MMP26: variants seen among roughly 807,000 people sequenced by gnomAD.
MMP26 encodes the protein matrix metallopeptidase 26.
In MMP26, 33 loss-of-function variants were observed where a neutral mutation model predicts 31.0. The observed-to-expected ratio is 1.06, with a 90% CI of 0.81 to 1.42. MMP26 has a LOEUF of 1.42. Among genes scored for constraint, MMP26 ranks in the 40% most tolerant of loss-of-function variants. The pLI is 0.00. For missense variants in MMP26, 347 were observed against 316.1 expected, an observed-to-expected ratio of 1.10 and a Z score of -0.74; for synonymous variants, 122 against 114.9, an observed-to-expected ratio of 1.06 and a Z score of -0.40.
intron 2 of MMP26, among the ~76,000 whole-genome samples, chr11:4,854,403 A>G (rs141041643): frequency 0.016 from 2,369 of 152,324 alleles, 31 homozygotes; most frequent in Middle Eastern, 0.051. Flanking sequence ...AAATGGCACA[A>G]CAGGACATTG....
chr11:4,907,412 A>T (rs1157305505), intron 2 of MMP26: 1 of 1,613,810 alleles, frequency 6.2e-7, no homozygotes, highest in East Asian at 2.2e-5. Flanking sequence ...TTTCCTTCTG[A>T]TTGGGATCCC....
At chr11:4,917,420 T>G (rs1195012349) in intron 2 of MMP26, among the ~76,000 whole-genome samples, 1 of 152,238 alleles carries the variant, frequency 6.6e-6, no homozygotes, top group Non-Finnish European at 1.5e-5. Flanking sequence ...TAATTCAGTG[T>G]CAAGTGGCAG....
intron 2 of MMP26, among the ~76,000 whole-genome samples, chr11:4,981,121 C>G (rs544080401): frequency 7.9e-5 from 12 of 152,018 alleles, no homozygotes; most frequent in Non-Finnish European, 1.5e-4. Flanking sequence ...AGAGAGTGTA[C>G]TGAAGATGGC....
At chr11:4,794,852 T>C (rs114756938) in intron 2 of MMP26, 40 of 152,348 alleles carry the variant, frequency 2.6e-4, no homozygotes, top group African/African-American at 9.1e-4. Context: ...GATCACCATA[T>C]ATGTTATTTT....
chr11:4,887,924 G>T (rs1249111206), intron 2 of MMP26, among the ~76,000 whole-genome samples: 5 of 152,054 alleles, frequency 3.3e-5, no homozygotes, highest in African/African-American at 1.2e-4. Context: ...GAGGAGATAA[G>T]GAAGATTGTC....
At chr11:4,923,826 G>A in intron 2 of MMP26, 2 of 1,613,984 alleles carry the variant, frequency 1.2e-6, no homozygotes, top group Non-Finnish European at 8.5e-7. Flanking sequence ...ACATGGGAGT[G>A]GCAGTATTGG....
At chr11:4,906,199 G>A (rs375421424) in intron 2 of MMP26, among the ~76,000 whole-genome samples, 22 of 152,226 alleles carry the variant, frequency 1.4e-4, no homozygotes, top group African/African-American at 3.6e-4. Flanking sequence ...ATAAGAATAC[G>A]TAACTCCAAA....
intron 2 of MMP26, among the ~76,000 whole-genome samples, chr11:4,932,093 G>A (rs1851357475): frequency 2.0e-5 from 3 of 152,108 alleles, no homozygotes; most frequent in Admixed American, 2.0e-4. Context: ...TCCCGATAGA[G>A]TTGTTCCATT....
At chr11:4,849,192 G>A (rs1849936937) in intron 2 of MMP26, 3 of 1,609,918 alleles carry the variant, frequency 1.9e-6, no homozygotes, top group African/African-American at 2.7e-5. Context: ...GGCTATCTGA[G>A]TTGGTAATGT....
intron 2 of MMP26, among the ~76,000 whole-genome samples, chr11:4,836,494 G>A (rs112272777): frequency 6.6e-6 from 1 of 150,938 alleles, no homozygotes; most frequent in Admixed American, 6.6e-5. Flanking sequence ...GTGAGAAAAA[G>A]AATGTATTTA....
chr11:4,867,749 C>A (rs181646014), intron 2 of MMP26, among the ~76,000 whole-genome samples: 2 of 152,144 alleles, frequency 1.3e-5, no homozygotes, highest in East Asian at 3.9e-4. Flanking sequence ...ACAACAGATG[C>A]TGGCAAGGTT....
intron 1 of MMP26, among the ~76,000 whole-genome samples, chr11:4,747,360 G>T (rs73393013): frequency 0.048 from 7,240 of 152,180 alleles, 540 homozygotes; most frequent in African/African-American, 0.17. Context: ...AACAGGAAAA[G>T]TGTCCTTAAG....
At chr11:4,956,475 C>T (rs1463597608) in intron 2 of MMP26, among the ~76,000 whole-genome samples, 1 of 152,078 alleles carries the variant, frequency 6.6e-6, no homozygotes, top group African/African-American at 2.4e-5. Context: ...GAGAGAGGTC[C>T]TTAATTGGCA....
chr11:4,926,519 C>T lies in MMP26; in HGVS notation c.-144-61549C>T, dbSNP rs114658029. ...AATATATGTATGACTTTTCAGCCAG[C>T]AGGCATAGTGAAGCTGGTTTGATTC... is the stretch of plus-strand genomic sequence containing the variant. On this transcript the variant is annotated intron_variant, in intron 2 of 7. Transcript: ENST00000380390. Among the ~76,000 whole-genome samples, 486 of 152,270 alleles carry T rather than the reference C, an allele frequency of 3.2e-3. 1 individual carries two copies. Among genetic ancestry groups the T allele is most frequent in the African/African-American group, 0.011 (448 of 41,536 alleles).
chr11:4,898,146 CAT>C (rs973344912), intron 2 of MMP26, among the ~76,000 whole-genome samples: 51 of 151,634 alleles, frequency 3.4e-4, no homozygotes, highest in Admixed American at 2.8e-3. Flanking sequence ...TCTCTGCAAA[CAT>C]ATATATTTTA....
At chr11:4,838,237 G>A (rs1387938006) in intron 2 of MMP26, among the ~76,000 whole-genome samples, 1 of 135,382 alleles carries the variant, frequency 7.4e-6, no homozygotes, top group Non-Finnish European at 1.5e-5. Flanking sequence ...AGAATGGCAT[G>A]AACCCAGGAG....
intron 2 of MMP26, among the ~76,000 whole-genome samples, chr11:4,810,183 A>G (rs904580093): frequency 6.6e-6 from 1 of 152,168 alleles, no homozygotes; most frequent in Non-Finnish European, 1.5e-5. Flanking sequence ...TGCTTGTGCA[A>G]AAAAGGTGTG....
chr11:4,776,878 T>C (rs1345308162), intron 2 of MMP26, among the ~76,000 whole-genome samples: 1 of 152,154 alleles, frequency 6.6e-6, no homozygotes, highest in Non-Finnish European at 1.5e-5. Context: ...TCTTTATAAA[T>C]TACCTAGTCT....
chr11:4,782,035 C>T (rs1250093495), intron 2 of MMP26, among the ~76,000 whole-genome samples: 1 of 152,140 alleles, frequency 6.6e-6, no homozygotes, highest in Non-Finnish European at 1.5e-5. Context: ...TTGGGTATGT[C>T]TTTATCAGCA....
Sources: allele counts gnomAD v4.1 joint callset (sites outside exome capture counted in the v4.1 genomes callset), GRCh38; gene constraint gnomAD v4.1.1; transcripts MANE v1.5; gene names NCBI Gene and HGNC (gene_info 2026-07-23, HGNC 2026-07-21).